PPP2R2C: variants seen among roughly 807,000 people sequenced by gnomAD.
The protein encoded by PPP2R2C is protein phosphatase 2, regulatory subunit B, gamma.
PPP2R2C carries 10 observed loss-of-function variants against 45.3 expected under a neutral mutation model. The ratio of observed to expected loss-of-function variants is 0.22; its 90% CI spans 0.14 to 0.37. The LOEUF (loss-of-function observed/expected upper bound fraction) is 0.37. Among genes scored for constraint, PPP2R2C ranks in the 10% least tolerant of loss-of-function variants. The pLI, the probability that PPP2R2C is intolerant of heterozygous loss-of-function variation, is 1.00. For synonymous variants in PPP2R2C, 257 were observed against 245.4 expected, an observed-to-expected ratio of 1.05 and a Z score of -0.44; for missense variants, 308 against 619.7, an observed-to-expected ratio of 0.50 and a Z score of 5.34.
chr4:6,557,152 T>C (rs1725428786), intron 1 of PPP2R2C, among the ~76,000 whole-genome samples: 1 of 152,216 alleles, frequency 6.6e-6, no homozygotes, highest in Non-Finnish European at 1.5e-5. Flanking sequence ...TAGGTTCCTT[T>C]CCTGAGAAAG....
Position 6,331,015 on chromosome 4 carries a change from G to A in PPP2R2C, c.961-1662C>T, listed in dbSNP as rs1169104751. ...GTTCTTCCTTCTCTCTGGGTCCAGG[G>A]TCTAGCACTGTGTTGGGCACAGGGT... is the stretch of plus-strand genomic sequence containing the variant. On this transcript the variant is annotated intron_variant, in intron 7 of 8. Transcript: ENST00000382599. The surrounding 1 kb of genome is among the most constrained non-coding windows in gnomAD (Gnocchi z 5.9). Among the ~76,000 whole-genome samples, 1 of 152,172 alleles carries A rather than the reference G, an allele frequency of 6.6e-6. No homozygotes were observed. Among genetic ancestry groups the A allele is most frequent in the Non-Finnish European group, 1.5e-5 (1 of 68,030 alleles).
chr4:6,498,119 C>T (rs1031703202), intron 2 of PPP2R2C, among the ~76,000 whole-genome samples: 4 of 152,178 alleles, frequency 2.6e-5, no homozygotes, highest in Admixed American at 1.3e-4. Context: ...GAGACACGAT[C>T]GTGCAAATAA....
chr4:6,426,668 G>T (rs1719350914), intron 1 of PPP2R2C, among the ~76,000 whole-genome samples: 2 of 152,184 alleles, frequency 1.3e-5, no homozygotes, highest in African/African-American at 4.8e-5. Flanking sequence ...CAGTATCAGG[G>T]GACGGCAGAG....
At chr4:6,490,471 A>T (rs1205492386) in intron 2 of PPP2R2C, among the ~76,000 whole-genome samples, 1 of 152,244 alleles carries the variant, frequency 6.6e-6, no homozygotes, top group Non-Finnish European at 1.5e-5. Flanking sequence ...CACAAATTAA[A>T]TATCAGGACT....
chr4:6,552,515 T>A (rs946665036), intron 1 of PPP2R2C, among the ~76,000 whole-genome samples: 34 of 152,040 alleles, frequency 2.2e-4, no homozygotes, highest in African/African-American at 8.2e-4. Context: ...TCTTTCTTTC[T>A]CCCTCTCTTC....
At chr4:6,363,706 A>C (rs1714027639) in intron 5 of PPP2R2C, among the ~76,000 whole-genome samples, 1 of 152,120 alleles carries the variant, frequency 6.6e-6, no homozygotes, top group Non-Finnish European at 1.5e-5. Context: ...GCTGTGTGTG[A>C]CCTTGTGTCA....
At chr4:6,482,120 C>G (rs1722375035) in intron 2 of PPP2R2C, among the ~76,000 whole-genome samples, 1 of 151,880 alleles carries the variant, frequency 6.6e-6, no homozygotes, top group Admixed American at 6.6e-5. Flanking sequence ...TATGGTCTAT[C>G]TCTGTATTTA....
chr4:6,382,190 A>G, intron 1 of PPP2R2C: 24 of 1,198,846 alleles, frequency 2.0e-5, no homozygotes, highest in Non-Finnish European at 2.5e-5. Context: ...GGAAAGTTCT[A>G]GAATACCATC....
intron 2 of PPP2R2C, among the ~76,000 whole-genome samples, chr4:6,511,326 G>A (rs145218982): frequency 6.6e-6 from 1 of 151,932 alleles, no homozygotes; most frequent in African/African-American, 2.4e-5. Context: ...TGGTGGTGAT[G>A]ATAGTGACAG....
At chr4:6,413,308 C>T (rs1718310594) in intron 1 of PPP2R2C, among the ~76,000 whole-genome samples, 1 of 152,228 alleles carries the variant, frequency 6.6e-6, no homozygotes, top group Non-Finnish European at 1.5e-5. Context: ...CACTTACCTG[C>T]ACACATATTC....
chr4:6,485,328 A>G (rs932614489), intron 2 of PPP2R2C, among the ~76,000 whole-genome samples: 1 of 151,896 alleles, frequency 6.6e-6, no homozygotes, highest in African/African-American at 2.4e-5. Context: ...ATTCATGTAC[A>G]TGAGGACACG....
intron 1 of PPP2R2C, among the ~76,000 whole-genome samples, chr4:6,413,095 A>G (rs1718293976): frequency 6.6e-6 from 1 of 152,206 alleles, no homozygotes; most frequent in African/African-American, 2.4e-5. Context: ...AAACTTACAC[A>G]GTCATTTTCT....
At chr4:6,372,482 C>T in intron 5 of PPP2R2C, 41 bp downstream of exon 5, 2 of 1,567,082 alleles carry the variant, frequency 1.3e-6, no homozygotes, top group Non-Finnish European at 8.7e-7. Flanking sequence ...GGAAGCTACT[C>T]TGCCCGTGGG....
At chr4:6,370,638 C>T (rs1714733159) in intron 5 of PPP2R2C, among the ~76,000 whole-genome samples, 1 of 152,200 alleles carries the variant, frequency 6.6e-6, no homozygotes, top group Non-Finnish European at 1.5e-5. Context: ...GCCCCAACTA[C>T]TGGCACCTGA....
rs186853049 is a variant in PPP2R2C at position 6,349,043 on chromosome 4, C to G, written c.626-1033G>C. On this transcript the variant is annotated intron_variant, in intron 5 of 8. Transcript: ENST00000382599. ...GCCCCAGCACCTGCTCTTTTCCTAT[C>G]CCTTCCCTGCTGCCCAGCAGCAGAT... 56 of 985,388 alleles carry G rather than the reference C, an allele frequency of 5.7e-5. No individual in the cohort carries two copies. The African/African-American group carries it at 8.4e-4, about 15-fold the overall frequency. 61.0% of individuals were successfully genotyped at this position (985,388 alleles called of 1,614,324 possible).
chr4:6,504,973 C>T (rs1312200659), intron 2 of PPP2R2C, among the ~76,000 whole-genome samples: 2 of 151,948 alleles, frequency 1.3e-5, no homozygotes, highest in African/African-American at 4.8e-5. Context: ...GAAAAAAACA[C>T]AAAGAAAACC....
In PPP2R2C at chr4:6,329,535, C is replaced by T. The variant is rs535598536; in HGVS notation, c.961-182G>A. Among the ~76,000 whole-genome samples the T allele has an allele frequency of 2.0e-5, 3 of 152,104 alleles. No homozygotes were observed. The highest frequency in any genetic ancestry group is 4.1e-4 in the South Asian group (2 of 4,820). On this transcript the variant is annotated intron_variant, in intron 7 of 8. Coordinates refer to ENST00000382599, the MANE Select transcript of PPP2R2C (RefSeq NM_020416.4). This position sits in a 1 kb window ranked among gnomAD's most constrained non-coding sequence, Gnocchi z 5.8. ...CCCGACACAGCCCTGCTCATCTCAT[C>T]GGGAGGCCCATGACCAGGCACACGG...
intron 6 of PPP2R2C, among the ~76,000 whole-genome samples, chr4:6,336,433 C>T (rs1295435650): frequency 6.6e-6 from 1 of 152,058 alleles, no homozygotes; most frequent in East Asian, 1.9e-4. Flanking sequence ...CTCGTGTGGC[C>T]TTGAACGCCT....
intron 1 of PPP2R2C, chr4:6,382,513 A>G (rs779519962): frequency 5.2e-6 from 7 of 1,352,020 alleles, no homozygotes; most frequent in South Asian, 1.1e-5. Context: ...ATTGGTCACC[A>G]TAACTGAATT....
Sources: gnomAD v4.1 joint callset for allele counts (sites outside exome capture counted in the v4.1 genomes callset) on GRCh38, gnomAD v4.1.1 for gene constraint, Gnocchi (gnomAD v3.1) non-coding constraint, MANE v1.5 for transcripts, NCBI Gene and HGNC (gene_info 2026-07-23, HGNC 2026-07-21) for gene names.